KCNH1: variants seen among roughly 807,000 people sequenced by gnomAD.
The protein encoded by KCNH1 is potassium voltage-gated channel subfamily H member 1, also known as voltage-gated delayed rectifier potassium channel KCNH1.
Under a neutral mutation model 69.2 loss-of-function variants are expected in KCNH1, and 27 were observed. The ratio of observed to expected loss-of-function variants is 0.39; its 90% CI spans 0.29 to 0.54. The LOEUF (loss-of-function observed/expected upper bound fraction) is 0.54. Ranked by LOEUF, KCNH1 falls within the 20% of genes least tolerant of loss-of-function variation. The probability of loss-of-function intolerance (pLI) is 0.68; values close to 1 mark genes in which losing one functional copy is unlikely to be tolerated. For synonymous variants in KCNH1, 456 were observed against 487.7 expected, an observed-to-expected ratio of 0.93 and a Z score of 0.86; for missense variants, 798 against 1,261.6, an observed-to-expected ratio of 0.63 and a Z score of 5.57.
chr1:210,832,261 T>G lies in KCNH1; in HGVS notation c.1463-28095A>C, dbSNP rs578114547. Among the ~76,000 whole-genome samples the G allele has an allele frequency of 6.6e-5, 10 of 152,338 alleles. No homozygotes were observed. In the East Asian group the frequency reaches 1.9e-3, roughly 29 times the overall value. On this transcript the variant is annotated intron_variant, in intron 7 of 10. Transcript: ENST00000271751. Reference sequence around the variant, plus strand: ...ACCAAAAAGGCTATACTCTCTTATCTGAGCCTGCTTAGATGTTTGAGAGTC... The same window carrying G: ...ACCAAAAAGGCTATACTCTCTTATCGGAGCCTGCTTAGATGTTTGAGAGTC...
chr1:210,968,624 A>G (rs1396058871), intron 6 of KCNH1, among the ~76,000 whole-genome samples: 7 of 151,598 alleles, frequency 4.6e-5, no homozygotes, highest in Non-Finnish European at 1.0e-4. Context: ...GCCAGTGATG[A>G]TGAGCATTTT....
chr1:210,732,535 A>G (rs1170124374), intron 10 of KCNH1, among the ~76,000 whole-genome samples: 5 of 152,174 alleles, frequency 3.3e-5, no homozygotes, highest in South Asian at 2.1e-4. Flanking sequence ...TGTGTCGTCT[A>G]TCTGCCTTCT....
At chr1:210,884,017 C>T (rs1301427074) in intron 7 of KCNH1, among the ~76,000 whole-genome samples, 3 of 152,182 alleles carry the variant, frequency 2.0e-5, no homozygotes, top group Admixed American at 6.6e-5. Context: ...ACACTAACAG[C>T]TCTAATCCAT....
intron 6 of KCNH1, among the ~76,000 whole-genome samples, chr1:210,989,557 A>C (rs1365751734): frequency 2.0e-5 from 3 of 152,236 alleles, no homozygotes; most frequent in Non-Finnish European, 1.5e-5. Flanking sequence ...GATATGCCCT[A>C]GTGCTTCTTA....
At chr1:211,098,187 G>C (rs1022566738) in intron 3 of KCNH1, among the ~76,000 whole-genome samples, 1 of 151,938 alleles carries the variant, frequency 6.6e-6, no homozygotes, top group Non-Finnish European at 1.5e-5. Flanking sequence ...TGAGCATGAC[G>C]GTGTGTGCCT....
intron 7 of KCNH1, among the ~76,000 whole-genome samples, chr1:210,829,352 C>T (rs199624023): frequency 3.9e-5 from 6 of 152,292 alleles, no homozygotes; most frequent in South Asian, 2.1e-4. Context: ...ACATTCCCAG[C>T]GCTATTTTTA....
chr1:210,908,057 C>G (rs1421791236), intron 7 of KCNH1, among the ~76,000 whole-genome samples: 1 of 152,152 alleles, frequency 6.6e-6, no homozygotes, highest in Non-Finnish European at 1.5e-5. Context: ...AAAAGCCCAC[C>G]GCAAAGGCAG....
chr1:210,961,705 T>C (rs1048911607), intron 6 of KCNH1, among the ~76,000 whole-genome samples: 2 of 152,112 alleles, frequency 1.3e-5, no homozygotes, highest in African/African-American at 2.4e-5. Flanking sequence ...CCAGGCATGG[T>C]GGTGCATGCC....
chr1:210,985,076 T>C (rs75168809), intron 6 of KCNH1, among the ~76,000 whole-genome samples: 1,996 of 152,336 alleles, frequency 0.013, 48 homozygotes, highest in African/African-American at 0.045. Context: ...TGTGTAGAGA[T>C]GTTTCTAGTA....
intron 7 of KCNH1, among the ~76,000 whole-genome samples, chr1:210,914,950 G>A (rs1057158578): frequency 6.6e-6 from 1 of 151,932 alleles, no homozygotes; most frequent in Non-Finnish European, 1.5e-5. Flanking sequence ...AAATAGATGT[G>A]GCTGACTTAC....
chr1:210,845,346 C>T (rs892778699), intron 7 of KCNH1, among the ~76,000 whole-genome samples: 19 of 152,104 alleles, frequency 1.2e-4, no homozygotes, highest in African/African-American at 4.1e-4. Context: ...ACTGGCAAAC[C>T]AAATCCAGCA....
chr1:211,009,640 G>T (rs893888922), intron 6 of KCNH1, among the ~76,000 whole-genome samples: 2 of 150,894 alleles, frequency 1.3e-5, no homozygotes, highest in Non-Finnish European at 1.5e-5. Context: ...ATGGAGTCGC[G>T]CTCTGTCACC....
At chr1:210,821,157 T>G (rs1445284148) in intron 7 of KCNH1, among the ~76,000 whole-genome samples, 2 of 152,188 alleles carry the variant, frequency 1.3e-5, no homozygotes, top group African/African-American at 4.8e-5. Flanking sequence ...TTGTTTTACC[T>G]ATAAACTGAT....
At chr1:211,065,921 G>A (rs1290087779) in intron 5 of KCNH1, among the ~76,000 whole-genome samples, 1 of 151,876 alleles carries the variant, frequency 6.6e-6, no homozygotes, top group African/African-American at 2.4e-5. Context: ...AATTAGGCAT[G>A]GTGGCATGTA....
At chr1:210,823,910 T>C (rs1264171059) in intron 7 of KCNH1, among the ~76,000 whole-genome samples, 3 of 152,182 alleles carry the variant, frequency 2.0e-5, no homozygotes, top group Admixed American at 6.6e-5. Context: ...GAAGCCCATC[T>C]GAACTGTGCA....
At chr1:210,759,115 T>G (rs531363958) in intron 10 of KCNH1, among the ~76,000 whole-genome samples, 2 of 148,518 alleles carry the variant, frequency 1.3e-5, no homozygotes, top group African/African-American at 2.5e-5. Context: ...AAAAAAGAAT[T>G]AAAAAATCAA....
At chr1:210,995,165 A>C (rs984251923) in intron 6 of KCNH1, among the ~76,000 whole-genome samples, 1 of 152,182 alleles carries the variant, frequency 6.6e-6, no homozygotes, top group Non-Finnish European at 1.5e-5. Flanking sequence ...GACCACTGAG[A>C]TATTAAGTAG....
intron 7 of KCNH1, among the ~76,000 whole-genome samples, chr1:210,806,820 A>ATATATATATATAT (rs1558477727): frequency 8.4e-5 from 2 of 23,700 alleles, no homozygotes; most frequent in South Asian, 2.5e-3. Flanking sequence ...AAAAAAAAAA[A>ATATATATATATAT]AAAAAAAAAA....
At position 210,941,163 on chromosome 1, in the gene KCNH1, G is replaced by T. The variant is rs530057751; in HGVS notation, c.1033-21094C>A. Among the ~76,000 whole-genome samples the T allele has an allele frequency of 1.6e-3, 245 of 152,326 alleles. 1 individual carries two copies. Among genetic ancestry groups the T allele is most frequent in the South Asian group, 7.0e-3 (34 of 4,824 alleles). ...TTTGAGGAAGTAAGGAAGCGGCTGG[G>T]TCTCCTAACCACATGTGCTAACACT... is the stretch of plus-strand genomic sequence containing the variant. On this transcript the variant is annotated intron_variant, in intron 6 of 10. Transcript: ENST00000271751.
Sources: allele counts gnomAD v4.1 joint callset (sites outside exome capture counted in the v4.1 genomes callset), GRCh38; gene constraint gnomAD v4.1.1; transcripts MANE v1.5; gene names NCBI Gene and HGNC (gene_info 2026-07-23, HGNC 2026-07-21).